The following SHLD2 variants were observed in gnomAD, a reference collection of about 807,000 sequenced individuals.
SHLD2 encodes shieldin complex subunit 2.
In SHLD2, 30 loss-of-function variants were observed where a neutral mutation model predicts 73.2. The ratio of observed to expected loss-of-function variants is 0.41; its 90% CI spans 0.31 to 0.56. The LOEUF is 0.56. Ranked by LOEUF, SHLD2 falls within the 20% of genes least tolerant of loss-of-function variation. The pLI is 0.28. For missense variants in SHLD2, 745 were observed against 1,055.9 expected (o/e 0.71, Z 4.08); for synonymous variants, 285 against 370.1 (o/e 0.77, Z 2.64).
upstream of SHLD2, chr10:87,094,850 T>C (rs551417750): frequency 2.6e-6 from 3 of 1,159,952 alleles, no homozygotes; most frequent in Non-Finnish European, 2.4e-6. This position sits in a 1 kb window ranked among gnomAD's most constrained non-coding sequence, Gnocchi z 6.6. Context: ...GGAGGAAGGG[T>C]CCCGCGCGGG....
At chr10:87,151,161 G>A (rs933994320) in intron 2 of SHLD2, among the ~76,000 whole-genome samples, 189 bp from the exon 3 acceptor site, 1 of 151,996 alleles carries the variant, frequency 6.6e-6, no homozygotes, top group African/African-American at 2.4e-5. Context: ...TGTGAATATT[G>A]TGATTTCTCC....
chr10:87,129,952 C>T (rs1043360479), intron 2 of SHLD2, among the ~76,000 whole-genome samples: 19 of 152,058 alleles, frequency 1.2e-4, no homozygotes, highest in African/African-American at 4.3e-4. Flanking sequence ...TATAAAATTC[C>T]TTTTATTTAT....
chr10:87,145,258 A>T (rs1845524217), intron 2 of SHLD2, among the ~76,000 whole-genome samples: 1 of 152,170 alleles, frequency 6.6e-6, no homozygotes, highest in African/African-American at 2.4e-5. Flanking sequence ...GTGGGTTATT[A>T]GTACTGTGTT....
At chr10:87,163,258 A>G (rs1418354806) in intron 4 of SHLD2, among the ~76,000 whole-genome samples, 3 of 152,212 alleles carry the variant, frequency 2.0e-5, no homozygotes, top group African/African-American at 4.8e-5. Context: ...GAATGGAGGT[A>G]TAAGAAAATA....
chr10:87,186,418 T>A (rs1465087889), intron 8 of SHLD2, among the ~76,000 whole-genome samples: 1 of 152,242 alleles, frequency 6.6e-6, no homozygotes, highest in Non-Finnish European at 1.5e-5. Flanking sequence ...AAAGTCTCCT[T>A]CACCATCCAA....
chr10:87,125,965 AT>A (rs1266297292), intron 2 of SHLD2, among the ~76,000 whole-genome samples: 3 of 152,076 alleles, frequency 2.0e-5, no homozygotes, highest in South Asian at 2.1e-4. Flanking sequence ...AATTTTTGCA[AT>A]TTTTTTGGTA....
chr10:87,110,473 G>A (rs560001704), intron 2 of SHLD2, among the ~76,000 whole-genome samples: 1 of 151,948 alleles, frequency 6.6e-6, no homozygotes, highest in South Asian at 2.1e-4. Context: ...CGGAAGTGGT[G>A]GCGGGTGTCT....
At chr10:87,178,392 T>C (rs987935809) in intron 7 of SHLD2, among the ~76,000 whole-genome samples, 6 of 151,978 alleles carry the variant, frequency 3.9e-5, no homozygotes, top group African/African-American at 1.5e-4. Context: ...CCTCTGAATC[T>C]GAAATAAAAA....
At chr10:87,098,377 A>T (rs1373241985) in intron 2 of SHLD2, among the ~76,000 whole-genome samples, 3 of 151,844 alleles carry the variant, frequency 2.0e-5, no homozygotes, top group East Asian at 1.9e-4. Flanking sequence ...GCCTGGTGTG[A>T]TGGTGAATCC....
At chr10:87,098,767 T>G (rs1842073443) in intron 2 of SHLD2, among the ~76,000 whole-genome samples, 1 of 150,714 alleles carries the variant, frequency 6.6e-6, no homozygotes, top group Middle Eastern at 3.2e-3. Context: ...ATTTGCAAAG[T>G]AAGGTTTTTT....
chr10:87,120,317 G>A (rs1352034808), intron 2 of SHLD2, among the ~76,000 whole-genome samples: 1 of 151,228 alleles, frequency 6.6e-6, no homozygotes, highest in Non-Finnish European at 1.5e-5. Context: ...GCATGATCTC[G>A]GCTCACTGCA....
intron 2 of SHLD2, among the ~76,000 whole-genome samples, chr10:87,149,950 A>G (rs1845892386): frequency 6.6e-6 from 1 of 151,658 alleles, no homozygotes. Flanking sequence ...TGGTCTTACT[A>G]TGTTGTCCAA....
chr10:87,113,341 C>T (rs7095165), intron 2 of SHLD2, among the ~76,000 whole-genome samples: 53,712 of 151,946 alleles, frequency 0.35, 10,022 homozygotes, highest in African/African-American at 0.46. Flanking sequence ...CAAAACAAAA[C>T]AAAAACAAAA....
At chr10:87,136,779 C>T (rs1167754141) in intron 2 of SHLD2, among the ~76,000 whole-genome samples, 2 of 152,090 alleles carry the variant, frequency 1.3e-5, no homozygotes, top group Non-Finnish European at 2.9e-5. Context: ...GGTACTCCCA[C>T]AGTTTTAAAA....
chr10:87,103,937 A>G (rs887373115), intron 2 of SHLD2, among the ~76,000 whole-genome samples: 1 of 152,200 alleles, frequency 6.6e-6, no homozygotes, highest in Non-Finnish European at 1.5e-5. Context: ...AGGTCTCTTA[A>G]AAATTCACTG....
intron 2 of SHLD2, among the ~76,000 whole-genome samples, chr10:87,109,053 G>T (rs1018331698): frequency 1.8e-4 from 27 of 152,092 alleles, no homozygotes; most frequent in African/African-American, 6.5e-4. Context: ...GGCTGTTTTG[G>T]GTATACTGGC....
At chr10:87,117,788 C>A (rs1269471943) in intron 2 of SHLD2, among the ~76,000 whole-genome samples, 1 of 152,150 alleles carries the variant, frequency 6.6e-6, no homozygotes, top group African/African-American at 2.4e-5. Context: ...GAGGGAAACC[C>A]TGTCTCAAAA....
At chr10:87,096,391 G>A (rs1021623195) in intron 1 of SHLD2, among the ~76,000 whole-genome samples, 1 of 151,226 alleles carries the variant, frequency 6.6e-6, no homozygotes, top group African/African-American at 2.4e-5. Flanking sequence ...GTTCAGTTAT[G>A]TATTTATACA....
intron 8 of SHLD2, among the ~76,000 whole-genome samples, chr10:87,182,037 G>A (rs1236803396): frequency 6.6e-6 from 1 of 152,178 alleles, no homozygotes; most frequent in African/African-American, 2.4e-5. Flanking sequence ...CAAAGTGCTG[G>A]AATTACAGGT....
Sources: allele counts gnomAD v4.1 joint callset (sites outside exome capture counted in the v4.1 genomes callset), GRCh38; gene constraint gnomAD v4.1.1; non-coding constraint Gnocchi (gnomAD v3.1); transcripts MANE v1.5; gene names NCBI Gene and HGNC (gene_info 2026-07-23, HGNC 2026-07-21).